The following ABCC10 variants were observed in gnomAD, a reference collection of about 807,000 sequenced individuals.
ABCC10 encodes ATP binding cassette subfamily C member 10, also known as ATP-binding cassette sub-family C member 10.
ABCC10 carries 110 observed loss-of-function variants against 143.2 expected under a neutral mutation model. That is an observed-to-expected ratio of 0.77 (90% CI 0.66 to 0.90). ABCC10 has a LOEUF of 0.90. Ranked by LOEUF, ABCC10 falls within the 40% of genes least tolerant of loss-of-function variation. The pLI, the probability that ABCC10 is intolerant of heterozygous loss-of-function variation, is 0.00. For missense variants in ABCC10, 1,700 were observed against 1,900.5 expected, an observed-to-expected ratio of 0.89 and a Z score of 1.96; for synonymous variants, 805 against 846.7, an observed-to-expected ratio of 0.95 and a Z score of 0.85.
chr6:43,440,645 T>A (rs1465879722), intron 8 of ABCC10, among the ~76,000 whole-genome samples: 1 of 151,528 alleles, frequency 6.6e-6, no homozygotes, highest in Non-Finnish European at 1.5e-5. Flanking sequence ...GGGCAGATCA[T>A]GAGGTCAGGA....
downstream of ABCC10, chr6:43,450,628 C>T (rs774348470): frequency 1.2e-6 from 2 of 1,612,272 alleles, no homozygotes; most frequent in Admixed American, 3.3e-5. This position sits in a 1 kb window ranked among gnomAD's most constrained non-coding sequence, Gnocchi z 4.5. Context: ...CACTCCTGGT[C>T]CTGGCACGCT....
Position 43,446,458 on chromosome 6 carries a change from GA to G in ABCC10, c.3544+13del. ...CCTCGCTAACCCAGGTGCCACCCAG[GA>G]CCCCTCACCCCTACCTCATCCACAA... On this transcript the variant is annotated intron_variant, in intron 16 of 21. Transcript: ENST00000372530. The G allele has an allele frequency of 6.2e-7, 1 of 1,606,818 alleles. No individual in the cohort carries two copies. The highest frequency in any genetic ancestry group is 8.5e-7 in the Non-Finnish European group (1 of 1,177,292).
chr6:43,442,078 C>A (rs987980698), intron 9 of ABCC10, 118 bp downstream of exon 9: 2 of 811,048 alleles, frequency 2.5e-6, no homozygotes, highest in Non-Finnish European at 4.0e-6. Context: ...CTTCCCTCCT[C>A]CCTTGCATGT....
In ABCC10 at chr6:43,438,693, C is replaced by G. The variant is rs1782010414; in HGVS notation, c.2025C>G (p.Ile675Met). ...GCCTGGCCACCCAGGAACCCTGGATCCAGTTTGCCACCATCCGAGACAACA... is the reference window on the plus strand; with the variant it reads ...GCCTGGCCACCCAGGAACCCTGGATGCAGTTTGCCACCATCCGAGACAACA... ...GFGLATQEPW[I>M]QFATIRDNIL... is the part of the protein sequence containing the mutation. The change falls in exon 8 of 22, where the codon ATC (isoleucine) becomes ATG (methionine). Residue 675 changes from isoleucine (I) to methionine (M), a missense_variant. Ile to Met is a conservative substitution (Grantham distance 10, BLOSUM62 1). Coordinates refer to ENST00000372530, the MANE Select transcript of ABCC10 (RefSeq NM_001198934.2). 1 of 1,614,226 alleles carries G rather than the reference C, an allele frequency of 6.2e-7. No homozygotes were observed.
chr6:43,435,167 A>G (rs1006728659), intron 4 of ABCC10: 3 of 254,858 alleles, frequency 1.2e-5, no homozygotes, highest in Non-Finnish European at 2.2e-5. Context: ...GGTCTAGCCA[A>G]GGCCAGGTGA....
chr6:43,443,559 T>G lies in ABCC10; in HGVS notation c.2417-374T>G. ...TTACTGGGAGAGAAATAGGAGGAAATGAAGCTCCAGCCAGATATTAGGAAT... is the reference window on the plus strand; with the variant it reads ...TTACTGGGAGAGAAATAGGAGGAAAGGAAGCTCCAGCCAGATATTAGGAAT... On this transcript the variant is annotated intron_variant, in intron 10 of 21. Transcript: ENST00000372530. The surrounding 1 kb of genome is among the most constrained non-coding windows in gnomAD (Gnocchi z 4.2). 3.7e-6 allele frequency: 1 copy of G among 271,544 alleles called. No individual in the cohort carries two copies. The highest frequency in any genetic ancestry group is 9.7e-5 in the South Asian group (1 of 10,298). 16.8% of individuals were successfully genotyped at this position (271,544 alleles called of 1,614,324 possible).
In ABCC10 at chr6:43,447,681, C is replaced by T; in HGVS notation, c.3706-3C>T. 1.2e-6 allele frequency: 2 copies of T among 1,613,970 alleles called. No individual in the cohort carries two copies. Among genetic ancestry groups the T allele is most frequent in the Non-Finnish European group, 1.7e-6 (2 of 1,179,924 alleles). On this transcript the variant is annotated splice_region_variant and splice_polypyrimidine_tract_variant and intron_variant, in intron 17 of 21. Coordinates refer to ENST00000372530, the MANE Select transcript of ABCC10 (RefSeq NM_001198934.2). ...TCTGTCTCCCACCCATGGACCCCAC[C>T]AGCTGGGCACCGGCTGGCTGACCCA...
At chr6:43,434,247 CT>C (rs1781448897) in intron 3 of ABCC10, among the ~76,000 whole-genome samples, 1 of 152,260 alleles carries the variant, frequency 6.6e-6, no homozygotes, top group South Asian at 2.1e-4. Context: ...AAGCCCACAT[CT>C]TTTGGTTTTG....
At chr6:43,444,423 A>C in intron 12 of ABCC10, 70 bp downstream of exon 12, 2 of 1,479,696 alleles carry the variant, frequency 1.4e-6, no homozygotes, top group South Asian at 1.4e-5. Flanking sequence ...ACCTTGCACT[A>C]ATCATTACAA....
intron 2 of ABCC10, 103 bp downstream of exon 2, chr6:43,428,242 G>A: frequency 7.7e-7 from 1 of 1,297,478 alleles, no homozygotes; most frequent in Admixed American, 2.8e-5. Flanking sequence ...GGTCTCTGGA[G>A]TAGGGCAGAA....
In ABCC10 at chr6:43,427,649, C is replaced by A; in HGVS notation, c.-120C>A. On this transcript the variant is annotated 5_prime_UTR_variant, in exon 1 of 22. Coordinates refer to ENST00000372530, the MANE Select transcript of ABCC10 (RefSeq NM_001198934.2). ...CCGGGCAGTACTTTTTTTTTTTTTGCATACACCAGTTCTCAGGATATCGGA... is the reference window on the plus strand; with the variant it reads ...CCGGGCAGTACTTTTTTTTTTTTTGAATACACCAGTTCTCAGGATATCGGA... 1 of 383,406 alleles carries A rather than the reference C, an allele frequency of 2.6e-6. No individual in the cohort carries two copies. The highest frequency in any genetic ancestry group is 4.9e-6 in the Non-Finnish European group (1 of 205,762). The allele number at this position is 383,406 out of a possible 1,614,324, so 23.8% of individuals were successfully genotyped here.
Position 43,439,967 on chromosome 6 carries a change from G to A in ABCC10, c.2127+1172G>A, listed in dbSNP as rs183169546. The stretch of plus-strand genomic sequence containing the variant: ...AGCTTTTATAGGTTTTTACTTTTTC[G>A]TGTGTGTGAGACAGAGTCTTGCTCT... On this transcript the variant is annotated intron_variant, in intron 8 of 21. Transcript: ENST00000372530. Among the ~76,000 whole-genome samples the A allele has an allele frequency of 1.8e-4, 27 of 151,096 alleles. No homozygotes were observed. The East Asian group carries it at 2.8e-3, about 16-fold the overall frequency.
In ABCC10 at chr6:43,432,215, T is replaced by C. The variant is rs1781214366; in HGVS notation, c.235T>C (p.Phe79Leu). 1.9e-6 allele frequency: 3 copies of C among 1,614,106 alleles called. No homozygotes were observed. Among genetic ancestry groups the C allele is most frequent in the Non-Finnish European group, 2.5e-6 (3 of 1,180,034 alleles). Residue 79 changes from phenylalanine (F) to leucine (L), a missense_variant, in exon 3 of 22, where the codon TTC becomes CTC. Transcript: ENST00000372530. Reference sequence around the variant, plus strand: ...TGCAGCTTCCTTCCTGCTTTCCGTCTTCCCGCTGCTAGACCTTCTTCCAGT... The same window carrying C: ...TGCAGCTTCCTTCCTGCTTTCCGTCCTCCCGCTGCTAGACCTTCTTCCAGT... The part of the protein sequence containing the change: ...RLAASFLLSV[F>L]PLLDLLPVAL...
At chr6:43,428,807 G>C (rs533298074) in intron 2 of ABCC10, among the ~76,000 whole-genome samples, 1 of 152,250 alleles carries the variant, frequency 6.6e-6, no homozygotes, top group Admixed American at 6.5e-5. Context: ...TAGTCTGATG[G>C]GGGGAAGTGT....
chr6:43,444,142 A>T lies in ABCC10; in HGVS notation c.2495-17A>T. ...ACCCTGCAAGCTTAATTCTTCCATG[A>T]CCCCTGATTCTCACAGCCACAGCCC... On this transcript the variant is annotated splice_polypyrimidine_tract_variant and intron_variant, in intron 11 of 21. Coordinates refer to ENST00000372530, the MANE Select transcript of ABCC10 (RefSeq NM_001198934.2). 6.2e-7 allele frequency: 1 copy of T among 1,611,110 alleles called. No individual in the cohort carries two copies. Among genetic ancestry groups the T allele is most frequent in the Non-Finnish European group, 8.5e-7 (1 of 1,177,908 alleles).
In ABCC10 at chr6:43,449,157, C is replaced by T; in HGVS notation, c.4156C>T (p.Gln1386Ter). The T allele has an allele frequency of 6.2e-7, 1 of 1,614,054 alleles. No homozygotes were observed. Among genetic ancestry groups the T allele is most frequent in the South Asian group, 1.1e-5 (1 of 91,074 alleles). The part of the protein sequence containing the change: ...GEGGRSLSLG[Q>*]RQLLCLARAL... ...GGGGGGCCGGAGCTTATCTCTTGGG[C>T]AGAGGCAGCTGTTGTGTTTGGCCAG... The change falls in exon 20 of 22, where the codon CAG becomes TAG. Residue 1386 changes from glutamine (Q) to a stop codon, truncating the protein, a stop_gained. Transcript: ENST00000372530. LOFTEE classifies it high-confidence loss of function.
chr6:43,431,842 A>G, intron 2 of ABCC10: 1 of 1,256,338 alleles, frequency 8.0e-7, no homozygotes, highest in Non-Finnish European at 1.0e-6. Flanking sequence ...TCTTACCTCA[A>G]AATTGTTAAT....
Position 43,446,443 on chromosome 6 carries a change from C to T in ABCC10, c.3541C>T (p.Pro1181Ser), listed in dbSNP as rs749522116. The change falls in exon 16 of 22, where the codon CCA becomes TCA. Residue 1181 changes from proline to serine, a missense_variant. By Grantham distance (74) the Pro-to-Ser change is moderately conservative (BLOSUM62 -1). Transcript: ENST00000372530. ...LVQHQQGLAN[P>S]GLVGLSLSYA... ...GCAGCACCAGCAGGGCCTCGCTAACCCAGGTGCCACCCAGGACCCCTCACC... is the reference window on the plus strand; with the variant it reads ...GCAGCACCAGCAGGGCCTCGCTAACTCAGGTGCCACCCAGGACCCCTCACC... 3.7e-6 allele frequency: 6 copies of T among 1,609,914 alleles called. No individual in the cohort carries two copies. The highest frequency in any genetic ancestry group is 3.3e-5 in the Admixed American group (2 of 59,936).
At chr6:43,444,374 C>T (rs1266322041) in intron 12 of ABCC10, 21 bp downstream of exon 12, 2 of 1,580,978 alleles carry the variant, frequency 1.3e-6, no homozygotes, top group African/African-American at 2.7e-5. Flanking sequence ...GCCTGGGAGT[C>T]TCTTACATCG....
Sources: gnomAD v4.1 joint callset for allele counts (sites outside exome capture counted in the v4.1 genomes callset) on GRCh38, gnomAD v4.1.1 for gene constraint, Gnocchi (gnomAD v3.1) non-coding constraint, MANE v1.5 for transcripts, NCBI Gene and HGNC (gene_info 2026-07-23, HGNC 2026-07-21) for gene names.